WWOX: variants seen among roughly 807,000 people sequenced by gnomAD.
The protein encoded by WWOX is WW domain-containing oxidoreductase.
A neutral mutation model predicts 46.2 loss-of-function variants in WWOX; 69 were observed. The observed-to-expected ratio is 1.49, with a 90% confidence interval of 1.23 to 1.82. The LOEUF (loss-of-function observed/expected upper bound fraction) is 1.82, where lower values mean the gene tolerates loss of function less well. Ranked by LOEUF, WWOX falls within the 40% of genes most tolerant of loss-of-function variation. WWOX has a pLI of 0.00. For synonymous variants in WWOX, 359 were observed against 202.6 expected, an observed-to-expected ratio of 1.77 and a Z score of -6.56; for missense variants, 919 against 542.6, an observed-to-expected ratio of 1.69 and a Z score of -6.89.
chr16:78,749,953 C>G (rs1463833220), intron 8 of WWOX, among the ~76,000 whole-genome samples: 2 of 152,176 alleles, frequency 1.3e-5, no homozygotes, highest in African/African-American at 4.8e-5. Flanking sequence ...GCACTGTTTA[C>G]AAGTCAGATG....
chr16:78,290,513 T>C (rs1481219176), intron 5 of WWOX, among the ~76,000 whole-genome samples: 3 of 152,152 alleles, frequency 2.0e-5, no homozygotes, highest in African/African-American at 7.2e-5. Context: ...GGTAAATCTG[T>C]CAGAAGGGTC....
At chr16:78,741,420 C>T (rs149986019) in intron 8 of WWOX, among the ~76,000 whole-genome samples, 25 of 152,080 alleles carry the variant, frequency 1.6e-4, no homozygotes, top group Admixed American at 7.2e-4. Context: ...AAATAGCTGG[C>T]GTGGTGGCGC....
intron 8 of WWOX, among the ~76,000 whole-genome samples, chr16:78,834,273 C>T (rs1345609138): frequency 6.6e-6 from 1 of 152,158 alleles, no homozygotes; most frequent in Non-Finnish European, 1.5e-5. Context: ...GATCTGGGAC[C>T]ATGTCCCCAT....
chr16:78,747,031 C>A (rs899075020), intron 8 of WWOX, among the ~76,000 whole-genome samples: 2 of 152,018 alleles, frequency 1.3e-5, no homozygotes, highest in Admixed American at 1.3e-4. Flanking sequence ...CAGTTTATTT[C>A]CTACCTCAAG....
At chr16:78,524,750 G>A (rs771152580) in intron 8 of WWOX, among the ~76,000 whole-genome samples, 26 of 149,070 alleles carry the variant, frequency 1.7e-4, no homozygotes, top group Non-Finnish European at 3.1e-4. Flanking sequence ...CAAAGTATTA[G>A]CATTGTGATA....
At chr16:79,029,526 A>G (rs2047712418) in intron 8 of WWOX, among the ~76,000 whole-genome samples, 1 of 152,210 alleles carries the variant, frequency 6.6e-6, no homozygotes, top group Non-Finnish European at 1.5e-5. Context: ...TTGGAAATGG[A>G]ACAGGATGCT....
intron 8 of WWOX, among the ~76,000 whole-genome samples, chr16:78,540,839 A>G (rs898508060): frequency 2.0e-5 from 3 of 152,160 alleles, no homozygotes; most frequent in Non-Finnish European, 4.4e-5. Context: ...ATGTGTCACC[A>G]TGCCAGGCTA....
intron 8 of WWOX, among the ~76,000 whole-genome samples, chr16:78,915,118 G>C (rs908643004): frequency 3.9e-5 from 6 of 152,114 alleles, no homozygotes; most frequent in Non-Finnish European, 7.3e-5. Flanking sequence ...TCAAGTGGCA[G>C]CTTGGACTCC....
chr16:78,700,350 G>C (rs1731326355), intron 8 of WWOX, among the ~76,000 whole-genome samples: 1 of 105,270 alleles, frequency 9.5e-6, no homozygotes, highest in Non-Finnish European at 2.0e-5. Flanking sequence ...GAGAGAGAGA[G>C]AGAGAGAGAG....
chr16:78,999,493 C>T (rs2047053021), intron 8 of WWOX, among the ~76,000 whole-genome samples: 1 of 152,154 alleles, frequency 6.6e-6, no homozygotes, highest in South Asian at 2.1e-4. Context: ...ATAGCTGCAT[C>T]ACTTATGCTC....
chr16:78,921,599 A>C lies in WWOX; in HGVS notation c.1057-290009A>C, dbSNP rs147952951. ...ACATTCTCATTTCACTGATGAGGAA[A>C]CTGGAGCTCAGGGAGGTTACATGGA... On this transcript the variant is annotated intron_variant, in intron 8 of 8. Transcript: ENST00000566780. Among the ~76,000 whole-genome samples, 93 of 152,340 alleles carry C rather than the reference A, an allele frequency of 6.1e-4. 1 individual carries two copies. The East Asian group carries it at 0.015, about 25-fold the overall frequency.
chr16:78,944,257 C>G (rs2045907310), intron 8 of WWOX, among the ~76,000 whole-genome samples: 1 of 152,134 alleles, frequency 6.6e-6, no homozygotes, highest in South Asian at 2.1e-4. Context: ...ATAATTGTAA[C>G]TCTCCCCTAC....
intron 8 of WWOX, among the ~76,000 whole-genome samples, chr16:79,066,236 A>G (rs1355467390): frequency 6.6e-6 from 1 of 152,022 alleles, no homozygotes; most frequent in South Asian, 2.1e-4. Flanking sequence ...GCCTCCCTTA[A>G]GCCCACCTTC....
chr16:78,204,753 C>G (rs1489585847), intron 5 of WWOX, among the ~76,000 whole-genome samples: 1 of 152,124 alleles, frequency 6.6e-6, no homozygotes, highest in Non-Finnish European at 1.5e-5. Flanking sequence ...CACCTGCGTG[C>G]TGGGATGAGA....
At chr16:78,208,785 G>C (rs192630948) in intron 5 of WWOX, among the ~76,000 whole-genome samples, 1 of 152,214 alleles carries the variant, frequency 6.6e-6, no homozygotes, top group African/African-American at 2.4e-5. Context: ...AAATTTTGCA[G>C]TGCTGCAGAT....
chr16:78,170,761 G>C (rs748525484), intron 5 of WWOX, among the ~76,000 whole-genome samples: 19 of 152,216 alleles, frequency 1.2e-4, no homozygotes, highest in Non-Finnish European at 2.2e-4. Flanking sequence ...ATTTTGGAAA[G>C]ATGATTAAGG....
At chr16:78,669,980 C>CCCCA (rs2047421973) in intron 8 of WWOX, among the ~76,000 whole-genome samples, 1 of 152,138 alleles carries the variant, frequency 6.6e-6, no homozygotes, top group African/African-American at 2.4e-5. Flanking sequence ...CTTCATCCTC[C>CCCCA]CCCACCAGTA....
chr16:78,285,293 A>G (rs78961924), intron 5 of WWOX, among the ~76,000 whole-genome samples: 1 of 151,682 alleles, frequency 6.6e-6, no homozygotes, highest in East Asian at 1.9e-4. Context: ...AACAAAATTA[A>G]CCGGGCTGGG....
intron 5 of WWOX, among the ~76,000 whole-genome samples, chr16:78,335,857 C>T (rs1353076384): frequency 3.9e-5 from 6 of 152,000 alleles, no homozygotes; most frequent in African/African-American, 2.4e-5. Context: ...TTTGTGAGGC[C>T]GAGGCGGGTG....
Sources: gnomAD v4.1 joint callset for allele counts (sites outside exome capture counted in the v4.1 genomes callset) on GRCh38, gnomAD v4.1.1 for gene constraint, MANE v1.5 for transcripts, NCBI Gene and HGNC (gene_info 2026-07-23, HGNC 2026-07-21) for gene names.